The following FBXO47 variants were observed in gnomAD, a reference collection of about 807,000 sequenced individuals.
FBXO47 encodes F-box only protein 47.
Under a neutral mutation model 53.9 loss-of-function variants are expected in FBXO47, and 34 were observed. The ratio of observed to expected loss-of-function variants is 0.63; its 90% CI spans 0.48 to 0.84. The LOEUF (loss-of-function observed/expected upper bound fraction) is 0.84, where lower values mean the gene tolerates loss of function less well. Ranked by LOEUF, FBXO47 falls within the 40% of genes least tolerant of loss-of-function variation. The probability of loss-of-function intolerance (pLI) is 0.00; values close to 1 mark genes in which losing one functional copy is unlikely to be tolerated. For missense variants in FBXO47, 485 were observed against 541.3 expected (o/e 0.90, Z 1.03); for synonymous variants, 165 against 181.6 (o/e 0.91, Z 0.73).
chr17:38,954,954 A>G, intron 4 of FBXO47, 21 bp from the exon 5 acceptor site: 3 of 1,534,400 alleles, frequency 2.0e-6, no homozygotes, highest in Non-Finnish European at 2.7e-6. Flanking sequence ...AACAATGTTA[A>G]TACCTCCTTG....
In FBXO47 at chr17:38,967,276, A is replaced by T. The variant is rs561154738; in HGVS notation, c.-74T>A. On this transcript the variant is annotated 5_prime_UTR_variant, in exon 1 of 11. Transcript: ENST00000378079. ...GGCTACAGAGTCACAGGAAAGTGGGAGTTAGTCGTTTTGCCCCACCATCCT... is the reference window on the plus strand; with the variant it reads ...GGCTACAGAGTCACAGGAAAGTGGGTGTTAGTCGTTTTGCCCCACCATCCT... The T allele has an allele frequency of 6.0e-4, 92 of 152,268 alleles. No homozygotes were observed. The highest frequency in any genetic ancestry group is 3.4e-3 in the Middle Eastern group (1 of 294). 9.4% of individuals were successfully genotyped at this position (152,268 alleles called of 1,614,324 possible).
intron 10 of FBXO47, 43 bp downstream of exon 10, chr17:38,938,530 G>A (rs561380895): frequency 7.0e-6 from 10 of 1,433,020 alleles, no homozygotes; most frequent in Admixed American, 1.8e-5. Flanking sequence ...AGACTAGAGC[G>A]CATTTTTACG....
chr17:38,946,517 T>C (rs1226089144), intron 6 of FBXO47, among the ~76,000 whole-genome samples: 1 of 90,292 alleles, frequency 1.1e-5, no homozygotes, highest in African/African-American at 4.7e-5. Flanking sequence ...TATATAAATA[T>C]ATATGAATAT....
At chr17:38,950,285 G>A (rs1421376765) in intron 6 of FBXO47, among the ~76,000 whole-genome samples, 1 of 151,712 alleles carries the variant, frequency 6.6e-6, no homozygotes, top group Non-Finnish European at 1.5e-5. Context: ...TTGTCCCTGT[G>A]TTCCTGGCTT....
intron 10 of FBXO47, among the ~76,000 whole-genome samples, chr17:38,937,982 T>C (rs1915623328): frequency 6.6e-6 from 1 of 152,214 alleles, no homozygotes; most frequent in Non-Finnish European, 1.5e-5. Flanking sequence ...CTAGTAATAT[T>C]TAAACAGGAG....
At position 38,961,913 on chromosome 17, in the gene FBXO47, G is replaced by C. The variant is rs202147522; in HGVS notation, c.316C>G (p.Gln106Glu). The change falls in exon 3 of 11, where the codon CAA (glutamine) becomes GAA (glutamate). Residue 106 changes from glutamine (Q) to glutamate (E), a missense_variant. Gln to Glu is a conservative substitution (Grantham distance 29). Transcript: ENST00000378079. ...TAGTGCTCCAGTATAGCAGAGTCTT[G>C]TCTCCTGTCAGGCAGCTCAAGGTTA... Reference protein sequence around the residue: ...FHNLELPDRRQDSAILEHYRS... With the variant: ...FHNLELPDRREDSAILEHYRS... 1 of 1,613,862 alleles carries C rather than the reference G, an allele frequency of 6.2e-7. No individual in the cohort carries two copies. Among genetic ancestry groups the C allele is most frequent in the Non-Finnish European group, 8.5e-7 (1 of 1,179,966 alleles).
chr17:38,963,701 A>G (rs1905936930), intron 1 of FBXO47, among the ~76,000 whole-genome samples: 1 of 152,142 alleles, frequency 6.6e-6, no homozygotes. Context: ...AGGTGGCATT[A>G]CTATTACCAA....
chr17:38,957,094 T>C lies in FBXO47; in HGVS notation c.429+83A>G, dbSNP rs866349207. 34 of 865,308 alleles carry C rather than the reference T, an allele frequency of 3.9e-5. No individual in the cohort carries two copies. In the South Asian group the frequency reaches 4.4e-4, roughly 11 times the overall value. 53.6% of individuals were successfully genotyped at this position (865,308 alleles called of 1,614,324 possible). On this transcript the variant is annotated intron_variant, in intron 4 of 10. Coordinates refer to ENST00000378079, the MANE Select transcript of FBXO47 (RefSeq NM_001008777.3). ...GCTAATTCATGAAATTCTACTAATA[T>C]AGAGTAAAATGAGCATAAGATAATA...
intron 10 of FBXO47, among the ~76,000 whole-genome samples, chr17:38,937,706 C>A (rs543711453): frequency 2.0e-5 from 3 of 150,846 alleles, no homozygotes; most frequent in Non-Finnish European, 4.4e-5. Flanking sequence ...CTCCCTGTGT[C>A]GCCCAGGCTG....
chr17:38,945,059 C>T lies in FBXO47; in HGVS notation c.694G>A (p.Asp232Asn), dbSNP rs763522919. Residue 232 changes from aspartate to asparagine, a missense_variant, in exon 7 of 11, where the codon GAT becomes AAT. Physicochemically the swap from Asp to Asn is conservative, Grantham distance 23. Coordinates refer to ENST00000378079, the MANE Select transcript of FBXO47 (RefSeq NM_001008777.3). ...VLLDHWTHRS[D>N]SAFWLTRILK... Reference sequence around the variant, plus strand: ...ATTCGCGTCAACCAAAAAGCAGAATCACTTCGATGTGTCCAATGATCAAGG... The same window carrying T: ...ATTCGCGTCAACCAAAAAGCAGAATTACTTCGATGTGTCCAATGATCAAGG... The T allele has an allele frequency of 6.2e-7, 1 of 1,614,006 alleles. No homozygotes were observed. Among genetic ancestry groups the T allele is most frequent in the East Asian group, 2.2e-5 (1 of 44,870 alleles).
intron 6 of FBXO47, among the ~76,000 whole-genome samples, chr17:38,947,011 A>AAT (rs1258529365): frequency 4.3e-5 from 6 of 138,088 alleles, no homozygotes; most frequent in African/African-American, 5.4e-5. Context: ...AATATATGTA[A>AAT]ATATATATAA....
chr17:38,955,387 C>CAAAA (rs756125580), intron 4 of FBXO47, among the ~76,000 whole-genome samples: 1 of 84,346 alleles, frequency 1.2e-5, no homozygotes, highest in Non-Finnish European at 2.5e-5. Context: ...GATTCCATCT[C>CAAAA]AAAAAAAAAA....
At chr17:38,956,018 C>A (rs542856065) in intron 4 of FBXO47, among the ~76,000 whole-genome samples, 3 of 148,810 alleles carry the variant, frequency 2.0e-5, no homozygotes, top group Non-Finnish European at 4.4e-5. Context: ...CGCCTGTAAT[C>A]CCACCTACTC....
chr17:38,958,856 T>G (rs1046230549), intron 3 of FBXO47, among the ~76,000 whole-genome samples: 2 of 152,310 alleles, frequency 1.3e-5, no homozygotes, highest in East Asian at 1.9e-4. Context: ...TTTTTCATAC[T>G]TGACAACTAA....
chr17:38,947,734 C>T (rs1905013792), intron 6 of FBXO47, among the ~76,000 whole-genome samples: 1 of 151,974 alleles, frequency 6.6e-6, no homozygotes, highest in Non-Finnish European at 1.5e-5. Context: ...ATGGTGAAAT[C>T]CCGTCTTTAC....
chr17:38,951,283 C>T (rs1905268039), intron 6 of FBXO47, among the ~76,000 whole-genome samples: 2 of 152,036 alleles, frequency 1.3e-5, no homozygotes, highest in Admixed American at 6.6e-5. Flanking sequence ...CAGCCTCTAC[C>T]TCCCAGGGTC....
At chr17:38,943,822 G>A in intron 7 of FBXO47, 86 bp from the exon 8 acceptor site, 1 of 1,142,932 alleles carries the variant, frequency 8.7e-7, no homozygotes, top group Non-Finnish European at 1.3e-6. Context: ...ATTGCACAAT[G>A]GAATCCCATT....
At chr17:38,964,033 C>G (rs1195968526) in intron 1 of FBXO47, among the ~76,000 whole-genome samples, 1 of 151,964 alleles carries the variant, frequency 6.6e-6, no homozygotes, top group African/African-American at 2.4e-5. Flanking sequence ...GTCTTGAACT[C>G]CTGAGCTCAA....
At chr17:38,944,626 C>T (rs1021384856) in intron 7 of FBXO47, among the ~76,000 whole-genome samples, 17 of 149,324 alleles carry the variant, frequency 1.1e-4, no homozygotes, top group African/African-American at 3.0e-4. Flanking sequence ...GGTGTGAACC[C>T]GGGAATTGGA....
Sources: gnomAD v4.1 joint callset for allele counts (sites outside exome capture counted in the v4.1 genomes callset) on GRCh38, gnomAD v4.1.1 for gene constraint, MANE v1.5 for transcripts, NCBI Gene and HGNC (gene_info 2026-07-23, HGNC 2026-07-21) for gene names.